Variants in GCA observed in about 807,000 individuals in gnomAD.
GCA encodes grancalcin, EF-hand calcium-binding protein.
GCA carries 30 observed loss-of-function variants against 32.6 expected under a neutral mutation model. The ratio of observed to expected loss-of-function variants is 0.92; its 90% CI spans 0.69 to 1.25. The LOEUF (loss-of-function observed/expected upper bound fraction) is 1.25. GCA is among the 50% of genes most tolerant of loss of function. GCA has a pLI of 0.00. For synonymous variants in GCA, 102 were observed against 84.6 expected, an observed-to-expected ratio of 1.21 and a Z score of -1.13; for missense variants, 291 against 266.8, an observed-to-expected ratio of 1.09 and a Z score of -0.63.
In GCA at chr2:162,361,979, A is replaced by C; in HGVS notation, c.*1736A>C. On this transcript the variant is annotated 3_prime_UTR_variant, in exon 8 of 8. Coordinates refer to ENST00000437150, the MANE Select transcript of GCA (RefSeq NM_012198.5). ...TTACTTGGAGGCTCACAGTTGAGGT[A>C]AAACTTTTAAAATGACAAATGGTAT... The C allele has an allele frequency of 1.0e-6, 1 of 983,234 alleles. No homozygotes were observed. The highest frequency in any genetic ancestry group is 1.2e-6 in the Non-Finnish European group (1 of 828,148). The allele number at this position is 983,234 out of a possible 1,614,324, so 60.9% of individuals were successfully genotyped here.
chr2:162,325,067 G>A (rs1035590986), intron 1 of GCA, among the ~76,000 whole-genome samples: 6 of 152,116 alleles, frequency 3.9e-5, no homozygotes, highest in Non-Finnish European at 7.4e-5. Flanking sequence ...GAAAGAATTT[G>A]GTGCCAAAGA....
rs1685578219 is a variant in GCA at position 162,361,676 on chromosome 2, A to C, written c.*1433A>C. The C allele has an allele frequency of 2.0e-6, 2 of 984,200 alleles. No homozygotes were observed. Among genetic ancestry groups the C allele is most frequent in the Non-Finnish European group, 2.4e-6 (2 of 828,992 alleles). The allele number at this position is 984,200 out of a possible 1,614,324, so 61.0% of individuals were successfully genotyped here. On this transcript the variant is annotated 3_prime_UTR_variant, in exon 8 of 8. Transcript: ENST00000437150. The stretch of plus-strand genomic sequence containing the variant: ...AATTTGCTGTCAAATTCACTTGGTC[A>C]GTTTTATAAAAATGTGTGAATAGGT...
chr2:162,360,696 G>A lies in GCA; in HGVS notation c.*453G>A. On this transcript the variant is annotated 3_prime_UTR_variant, in exon 8 of 8. Transcript: ENST00000437150. ...AGGGTTGGCTAGAAATGAAAGCCTG[G>A]ATTTTGTGCCATGTTTGTAATATAG... The A allele has an allele frequency of 7.4e-7, 1 of 1,349,238 alleles. No homozygotes were observed. The highest frequency in any genetic ancestry group is 9.5e-7 in the Non-Finnish European group (1 of 1,051,954). The allele number at this position is 1,349,238 out of a possible 1,614,324, so 83.6% of individuals were successfully genotyped here. A position where few individuals can be genotyped will look rare whatever the true frequency, so the allele number is the denominator to read the frequency against.
In GCA at chr2:162,329,264, G is replaced by A. The variant is rs568344672; in HGVS notation, c.-31+10039G>A. ...ACTTAACACTTTCCTATCATTTAAAGGGACCAGATTCTTCCCTTCCCAGCA... is the reference window on the plus strand; with the variant it reads ...ACTTAACACTTTCCTATCATTTAAAAGGACCAGATTCTTCCCTTCCCAGCA... On this transcript the variant is annotated intron_variant, in intron 1 of 4. Transcript: ENST00000429691. 5.9e-5 allele frequency among the ~76,000 whole-genome samples: 9 copies of A among 152,134 alleles called. No individual in the cohort carries two copies. The East Asian group carries it at 1.4e-3, about 23-fold the overall frequency.
At chr2:162,359,368 C>T (rs757344678) in intron 6 of GCA, 126 bp from the exon 7 acceptor site, 9 of 586,580 alleles carry the variant, frequency 1.5e-5, no homozygotes, top group Middle Eastern at 4.5e-4. Context: ...TCTCTGTTGC[C>T]AGGGCTATTC....
Position 162,360,261 on chromosome 2 carries a change from C to T in GCA, c.*18C>T. ...CAATTTGAATGCTTAGAATTTTAAA[C>T]CTGAAGAGACACTGTGAATTCTTTT... is the stretch of plus-strand genomic sequence containing the variant. On this transcript the variant is annotated 3_prime_UTR_variant, in exon 8 of 8. Transcript: ENST00000437150. The T allele has an allele frequency of 6.3e-7, 1 of 1,582,186 alleles. No homozygotes were observed. Among genetic ancestry groups the T allele is most frequent in the Non-Finnish European group, 8.6e-7 (1 of 1,159,108 alleles).
Position 162,329,291 on chromosome 2 carries a change from TTCTATA to T in GCA, c.-31+10074_-31+10079del, listed in dbSNP as rs555760054. Among the ~76,000 whole-genome samples the T allele has an allele frequency of 5.0e-3, 767 of 152,262 alleles. 12 individuals carry two copies. The highest frequency in any genetic ancestry group is 4.5e-3 in the Non-Finnish European group (305 of 68,016). On this transcript the variant is annotated intron_variant, in intron 1 of 4. Transcript: ENST00000429691. ...GACCAGATTCTTCCCTTCCCAGCAC[TTCTATA>T]TCTATATTATAATTGAAAAAGTCTT...
At chr2:162,345,358 G>A (rs1031572945) in intron 1 of GCA, among the ~76,000 whole-genome samples, 1 of 152,130 alleles carries the variant, frequency 6.6e-6, no homozygotes, top group African/African-American at 2.4e-5. Flanking sequence ...AATCAAGATA[G>A]CATAAACCTG....
chr2:162,341,562 C>T (rs1212885136), upstream of GCA, among the ~76,000 whole-genome samples: 1 of 151,936 alleles, frequency 6.6e-6, no homozygotes, highest in Admixed American at 6.6e-5. Flanking sequence ...GCTTTATAGT[C>T]ACCAGAAAGG....
intron 1 of GCA, among the ~76,000 whole-genome samples, chr2:162,334,707 G>C (rs888010017): frequency 6.6e-6 from 1 of 152,146 alleles, no homozygotes; most frequent in Non-Finnish European, 1.5e-5. Flanking sequence ...AGCTTCACAA[G>C]GACAGGCAAC....
chr2:162,354,087 G>GT (rs1685137510), intron 3 of GCA, among the ~76,000 whole-genome samples: 1 of 152,020 alleles, frequency 6.6e-6, no homozygotes, highest in Admixed American at 6.6e-5. Flanking sequence ...TATAACCTTT[G>GT]TTTTTTCCAG....
chr2:162,373,283 A>C (rs966840009), downstream of GCA, among the ~76,000 whole-genome samples: 8 of 152,236 alleles, frequency 5.3e-5, no homozygotes, highest in African/African-American at 1.9e-4. Context: ...TTAAATGAAC[A>C]TAAAAATCAG....
Position 162,362,458 on chromosome 2 carries a change from T to A in GCA, c.*2215T>A. The A allele has an allele frequency of 2.1e-6, 2 of 963,236 alleles. No homozygotes were observed. The highest frequency in any genetic ancestry group is 2.5e-6 in the Non-Finnish European group (2 of 809,894). 59.7% of individuals were successfully genotyped at this position (963,236 alleles called of 1,614,324 possible). Reference sequence around the variant, plus strand: ...CTGATATTTTTATGATGAACATGACTGTAATATGAATATAGTATAGTAGTT... The same window carrying A: ...CTGATATTTTTATGATGAACATGACAGTAATATGAATATAGTATAGTAGTT... On this transcript the variant is annotated 3_prime_UTR_variant, in exon 8 of 8. Coordinates refer to ENST00000437150, the MANE Select transcript of GCA (RefSeq NM_012198.5).
At position 162,361,216 on chromosome 2, in the gene GCA, A is replaced by C. The variant is rs1685557692; in HGVS notation, c.*973A>C. On this transcript the variant is annotated 3_prime_UTR_variant, in exon 8 of 8. Transcript: ENST00000437150. ...CCCAGTAAGTATTTTGAGTGCATCT[A>C]TGTGATGTGGTGTTTTGAGCATAGT... The C allele has an allele frequency of 1.0e-6, 1 of 984,744 alleles. No individual in the cohort carries two copies. 61.0% of individuals were successfully genotyped at this position (984,744 alleles called of 1,614,324 possible). A position where few individuals can be genotyped will look rare whatever the true frequency, so the allele number is the denominator to read the frequency against.
downstream of GCA, among the ~76,000 whole-genome samples, chr2:162,367,806 C>G (rs1248302685): frequency 3.3e-5 from 5 of 151,874 alleles, no homozygotes; most frequent in Admixed American, 1.3e-4. Flanking sequence ...TTTTGAGCAC[C>G]TAGTATATGC....
chr2:162,319,401 T>C (rs1474535147), intron 1 of GCA: 2 of 295,646 alleles, frequency 6.8e-6, no homozygotes, highest in Admixed American at 8.3e-5. Context: ...AGCTTGTAAG[T>C]TCCCTATATT....
At chr2:162,349,753 G>GA (rs1684896154) in intron 2 of GCA, among the ~76,000 whole-genome samples, 1 of 152,094 alleles carries the variant, frequency 6.6e-6, no homozygotes, top group African/African-American at 2.4e-5. Context: ...AACAGATTAG[G>GA]AAAAGGCAAA....
chr2:162,371,289 T>A (rs1424449740), intron 4 of GCA: 2 of 1,265,944 alleles, frequency 1.6e-6, no homozygotes, highest in Non-Finnish European at 2.1e-6. Context: ...ACTCAAACTT[T>A]GTATTTTTTC....
intron 1 of GCA, among the ~76,000 whole-genome samples, chr2:162,329,100 C>T (rs188986228): frequency 6.6e-5 from 10 of 152,154 alleles, no homozygotes; most frequent in Admixed American, 1.3e-4. Context: ...GCTACGGTCT[C>T]GGGGGTTTTT....
Sources: allele counts gnomAD v4.1 joint callset (sites outside exome capture counted in the v4.1 genomes callset), GRCh38; gene constraint gnomAD v4.1.1; transcripts MANE v1.5; gene names NCBI Gene and HGNC (gene_info 2026-07-23, HGNC 2026-07-21).